Variants in ZNF26 observed in about 807,000 individuals in gnomAD.
The protein encoded by ZNF26 is epididymis luminal protein 179.
In ZNF26, 32 loss-of-function variants were observed where a neutral mutation model predicts 54.9. The observed-to-expected ratio is 0.58, with a 90% CI of 0.44 to 0.78. The LOEUF is 0.78. Ranked by LOEUF, ZNF26 falls within the 30% of genes least tolerant of loss-of-function variation. The probability of loss-of-function intolerance (pLI) is 0.00; values close to 1 mark genes in which losing one functional copy is unlikely to be tolerated. For synonymous variants in ZNF26, 221 were observed against 209.2 expected, an observed-to-expected ratio of 1.06 and a Z score of -0.49; for missense variants, 524 against 634.0, an observed-to-expected ratio of 0.83 and a Z score of 1.86.
chr12:133,003,012 G>A (rs1314152675), intron 1 of ZNF26, among the ~76,000 whole-genome samples: 1 of 152,096 alleles, frequency 6.6e-6, no homozygotes, highest in African/African-American at 2.4e-5. Flanking sequence ...CCCTAGGTGG[G>A]TGGGACCTGG....
chr12:132,991,139 A>G (rs1236974505), intron 1 of ZNF26, among the ~76,000 whole-genome samples: 2 of 150,710 alleles, frequency 1.3e-5, no homozygotes, highest in Non-Finnish European at 3.0e-5. Flanking sequence ...GATTACAGGC[A>G]TGAGCCACTG....
chr12:132,987,824 C>A, intron 1 of ZNF26: 1 of 737,752 alleles, frequency 1.4e-6, no homozygotes, highest in African/African-American at 1.9e-5. Context: ...GGCTGTTGTG[C>A]TAAAGAAACG....
At chr12:132,987,733 A>G in intron 1 of ZNF26, 4 of 985,452 alleles carry the variant, frequency 4.1e-6, no homozygotes, top group African/African-American at 1.7e-5. Context: ...GTGGAAGCTC[A>G]GAGTGTGACC....
In ZNF26 at chr12:133,001,392, G is replaced by A. The variant is rs1566258812; in HGVS notation, c.34-5650G>A. Among the ~76,000 whole-genome samples, 1 of 152,162 alleles carries A rather than the reference G, an allele frequency of 6.6e-6. No individual in the cohort carries two copies. On this transcript the variant is annotated intron_variant, in intron 1 of 3. Coordinates refer to ENST00000328654, the MANE Select transcript of ZNF26 (RefSeq NM_019591.4). This position sits in a 1 kb window ranked among gnomAD's most constrained non-coding sequence, Gnocchi z 4.7. ...CCACTTCATTTACTTGTTGCCCTCC[G>A]ACGGGGGCTCCTTCTGGGTTGGGGT...
At chr12:132,996,346 C>T (rs1258060719) in intron 1 of ZNF26, among the ~76,000 whole-genome samples, 1 of 152,184 alleles carries the variant, frequency 6.6e-6, no homozygotes, top group South Asian at 2.1e-4. Context: ...AATGGCCCAG[C>T]GAGGTAACAG....
Position 133,011,238 on chromosome 12 carries a change from C to A in ZNF26, c.1359C>A (p.Pro453=). Residue 453 remains proline, a synonymous_variant, in exon 4 of 4, where the codon CCC becomes CCA. Transcript: ENST00000328654. ...AGAGAACTCATTCAACTGAGAAGCCCTATGAATGCAATGAATGTGAAAAAG... is the reference window on the plus strand; with the variant it reads ...AGAGAACTCATTCAACTGAGAAGCCATATGAATGCAATGAATGTGAAAAAG... ...IHQRTHSTEK[P]YECNECEKAY... 6.2e-7 allele frequency: 1 copy of A among 1,614,038 alleles called. No individual in the cohort carries two copies. Among genetic ancestry groups the A allele is most frequent in the Non-Finnish European group, 8.5e-7 (1 of 1,179,988 alleles).
At chr12:133,007,679 T>G in intron 3 of ZNF26, 147 bp downstream of exon 3, 1 of 568,488 alleles carries the variant, frequency 1.8e-6, no homozygotes, top group East Asian at 2.8e-5. Flanking sequence ...CAGGAGCTCC[T>G]CAGATAAGGA....
intron 1 of ZNF26, among the ~76,000 whole-genome samples, chr12:132,991,484 C>T (rs1255466673): frequency 6.0e-5 from 9 of 150,264 alleles, no homozygotes; most frequent in African/African-American, 2.0e-4. Context: ...GGCGACAGAG[C>T]GAGACTCAAC....
intron 1 of ZNF26, among the ~76,000 whole-genome samples, chr12:133,003,475 C>T (rs767896031): frequency 1.2e-3 from 186 of 152,070 alleles, no homozygotes; most frequent in Non-Finnish European, 2.2e-3. Flanking sequence ...AGGATGGTCT[C>T]GATCTCGTGA....
At position 132,989,714 on chromosome 12, in the gene ZNF26, G is replaced by T. The variant is rs1375919056; in HGVS notation, c.33+2841G>T. On this transcript the variant is annotated intron_variant, in intron 1 of 3. Coordinates refer to ENST00000328654, the MANE Select transcript of ZNF26 (RefSeq NM_019591.4). ...GAATTTTGGAGCATTTAGATTTCAG[G>T]TTTTTGGAACAGGGATTCTCATCCT... 3.3e-5 allele frequency among the ~76,000 whole-genome samples: 5 copies of T among 152,284 alleles called. No individual in the cohort carries two copies. The East Asian group carries it at 9.6e-4, about 29-fold the overall frequency.
chr12:132,996,572 T>G (rs1953088966), intron 1 of ZNF26, among the ~76,000 whole-genome samples: 1 of 152,236 alleles, frequency 6.6e-6, no homozygotes, highest in Non-Finnish European at 1.5e-5. Flanking sequence ...TTCTTGGTAT[T>G]TTCATTGAGA....
intron 1 of ZNF26, among the ~76,000 whole-genome samples, chr12:132,990,214 G>A (rs1177840927): frequency 6.6e-6 from 1 of 152,196 alleles, no homozygotes; most frequent in Non-Finnish European, 1.5e-5. Flanking sequence ...CTTGAGCCTG[G>A]GAGGTTGAGG....
At chr12:132,987,546 C>T (rs115688961) in intron 1 of ZNF26, 2,956 of 194,118 alleles carry the variant, frequency 0.015, 94 homozygotes, top group African/African-American at 0.065. Context: ...GTGTTGACGA[C>T]GTTGCCGGAT....
rs1953488194 is a variant in ZNF26, at chr12:133,012,073, A to G, written c.*592A>G. 2.0e-5 allele frequency: 3 copies of G among 152,204 alleles called. No individual in the cohort carries two copies. The highest frequency in any genetic ancestry group is 4.8e-5 in the African/African-American group (2 of 41,440). 9.4% of individuals were successfully genotyped at this position (152,204 alleles called of 1,614,324 possible). A position where few individuals can be genotyped will look rare whatever the true frequency, so the allele number is the denominator to read the frequency against. The stretch of plus-strand genomic sequence containing the variant: ...ATATATATTTGATAGTTTGTGGAAT[A>G]ATATCCCCCAGTATTTTCCATATTA... On this transcript the variant is annotated 3_prime_UTR_variant, in exon 4 of 4. Transcript: ENST00000328654.
intron 3 of ZNF26, among the ~76,000 whole-genome samples, chr12:133,007,981 G>C (rs940336104): frequency 1.3e-5 from 2 of 152,020 alleles, no homozygotes; most frequent in Non-Finnish European, 2.9e-5. Flanking sequence ...CTATATCTTT[G>C]AGTGACTTTA....
intron 3 of ZNF26, 78 bp downstream of exon 3, chr12:133,007,610 T>C: frequency 9.8e-7 from 1 of 1,021,462 alleles, no homozygotes; most frequent in Non-Finnish European, 1.5e-6. Context: ...ACTCACAGTG[T>C]TGTCTTCAGA....
rs1953678584 is a variant in ZNF26, at chr12:133,024,584, G to T, written c.*13103G>T. On this transcript the variant is annotated 3_prime_UTR_variant, in exon 4 of 4. Transcript: ENST00000328654. ...AGCTTGTAAAGCATTCTCAAAGTACGAAAGCTCCTCAGGGAAAAGATGTAA... is the reference window on the plus strand; with the variant it reads ...AGCTTGTAAAGCATTCTCAAAGTACTAAAGCTCCTCAGGGAAAAGATGTAA... 6.6e-6 allele frequency: 1 copy of T among 152,142 alleles called. No homozygotes were observed. The highest frequency in any genetic ancestry group is 1.5e-5 in the Non-Finnish European group (1 of 68,030). The allele number at this position is 152,142 out of a possible 1,614,324, so 9.4% of individuals were successfully genotyped here.
chr12:132,990,277 G>C (rs1351850479), intron 1 of ZNF26, among the ~76,000 whole-genome samples: 1 of 152,130 alleles, frequency 6.6e-6, no homozygotes, highest in Non-Finnish European at 1.5e-5. Flanking sequence ...GACAGAGCGA[G>C]ACCCTGTCTC....
chr12:132,989,921 GTTGAGAAAGACCC>G (rs1240851456), intron 1 of ZNF26, among the ~76,000 whole-genome samples: 1 of 152,196 alleles, frequency 6.6e-6, no homozygotes, highest in African/African-American at 2.4e-5. Context: ...TCTCTATCAA[GTTGAGAAAGACCC>G]TTGTTCCTAG....
Sources: allele counts gnomAD v4.1 joint callset (sites outside exome capture counted in the v4.1 genomes callset), GRCh38; gene constraint gnomAD v4.1.1; non-coding constraint Gnocchi (gnomAD v3.1); transcripts MANE v1.5; gene names NCBI Gene and HGNC (gene_info 2026-07-23, HGNC 2026-07-21).